HDAC8: variants seen among roughly 807,000 people sequenced by gnomAD.
HDAC8 encodes the protein histone deacetylase 8.
A neutral mutation model predicts 32.2 loss-of-function variants in HDAC8; 1 was observed. The ratio of observed to expected loss-of-function variants is 0.03; its 90% CI spans 0.01 to 0.15. The LOEUF (loss-of-function observed/expected upper bound fraction) is 0.15, where lower values mean the gene tolerates loss of function less well. HDAC8 is among the 10% of genes least tolerant of loss of function. The pLI is 1.00. For missense variants in HDAC8, 117 were observed against 300.0 expected (o/e 0.39, Z 4.51); for synonymous variants, 108 against 113.9 (o/e 0.95, Z 0.33).
chrX:72,426,207 G>A (rs892350435), intron 9 of HDAC8, among the ~76,000 whole-genome samples: 9 of 112,375 alleles, frequency 8.0e-5, no homozygotes, highest in African/African-American at 2.9e-4. Context: ...AAGTTGAGGT[G>A]AGGATACATT....
chrX:72,547,927 T>C (rs2050914026), intron 4 of HDAC8, among the ~76,000 whole-genome samples: 2 of 111,680 alleles, frequency 1.8e-5, no homozygotes, highest in Non-Finnish European at 1.9e-5. Flanking sequence ...CTCCCACATC[T>C]AGTTAATCAT....
chrX:72,501,476 C>T (rs782011080), intron 4 of HDAC8, among the ~76,000 whole-genome samples: 24 of 110,167 alleles, frequency 2.2e-4, no homozygotes, highest in African/African-American at 7.5e-4. Flanking sequence ...GCACACCTAT[C>T]ACCATCTGAT....
chrX:72,571,302 G>T (rs782160148), intron 2 of HDAC8, among the ~76,000 whole-genome samples: 81 of 111,041 alleles, frequency 7.3e-4, no homozygotes, highest in East Asian at 1.7e-3. Flanking sequence ...GTCTTAGGTT[G>T]AACTCACACC....
At chrX:72,412,313 T>C (rs1399567078) in intron 9 of HDAC8, among the ~76,000 whole-genome samples, 5 of 112,268 alleles carry the variant, frequency 4.5e-5, no homozygotes, top group Admixed American at 3.8e-4. Flanking sequence ...TTATTTCTTA[T>C]TACAAATGGT....
rs1049886319 is a variant in HDAC8 at position 72,560,581 on chromosome X, A to G, written c.437+7308T>C. ...AATAAATACTAAAAAAAAAAAAAAAAAAAAAAAAAGAAATGGTAACAATGG... is the reference window on the plus strand; with the variant it reads ...AATAAATACTAAAAAAAAAAAAAAAGAAAAAAAAAGAAATGGTAACAATGG... On this transcript the variant is annotated intron_variant, in intron 4 of 10. Coordinates refer to ENST00000373573, the MANE Select transcript of HDAC8 (RefSeq NM_018486.3). 3.7e-5 allele frequency among the ~76,000 whole-genome samples: 4 copies of G among 106,769 alleles called. No homozygotes were observed. In the South Asian group the frequency reaches 1.7e-3, roughly 46 times the overall value. The allele number at this position is 106,769 out of a possible 115,157, so 92.7% of individuals were successfully genotyped here. A position where few individuals can be genotyped will look rare whatever the true frequency, so the allele number is the denominator to read the frequency against.
intron 9 of HDAC8, among the ~76,000 whole-genome samples, chrX:72,398,874 C>G (rs1334820466): frequency 9.3e-6 from 1 of 107,513 alleles, no homozygotes; most frequent in Non-Finnish European, 1.9e-5. Context: ...TATCCCCTAT[C>G]CCAAGACTAG....
intron 9 of HDAC8, among the ~76,000 whole-genome samples, chrX:72,362,819 G>A (rs2044593916): frequency 8.9e-6 from 1 of 112,023 alleles, no homozygotes; most frequent in Non-Finnish European, 1.9e-5. Flanking sequence ...AGCTTACCCT[G>A]TATCCCAAAA....
At chrX:72,356,076 C>T (rs1010255245) in intron 9 of HDAC8, among the ~76,000 whole-genome samples, 1 of 112,270 alleles carries the variant, frequency 8.9e-6, no homozygotes, top group Non-Finnish European at 1.9e-5. Context: ...CCAACCCATG[C>T]AGTAGGTACT....
intron 4 of HDAC8, among the ~76,000 whole-genome samples, chrX:72,559,887 G>A (rs1410240141): frequency 3.7e-5 from 4 of 109,509 alleles, no homozygotes; most frequent in African/African-American, 6.7e-5. Context: ...CACCCCGTCC[G>A]GGAGGGAGGT....
At chrX:72,333,441 C>A (rs948044345) in intron 10 of HDAC8, among the ~76,000 whole-genome samples, 1 of 112,034 alleles carries the variant, frequency 8.9e-6, no homozygotes, top group Non-Finnish European at 1.9e-5. Flanking sequence ...GTAATCCCAG[C>A]GCTCTGGGAG....
rs2051896835 is a variant in HDAC8, at chrX:72,568,740, G to A, written c.295+14C>T. ...GTCTGTCCATCTCCCATCACTGCCT[G>A]GTAATGACTTTACCTAGCCCATATT... On this transcript the variant is annotated intron_variant, in intron 3 of 10. Coordinates refer to ENST00000373573, the MANE Select transcript of HDAC8 (RefSeq NM_018486.3). 1.7e-6 allele frequency: 2 copies of A among 1,208,711 alleles called. No homozygotes were observed. The highest frequency in any genetic ancestry group is 2.2e-6 in the Non-Finnish European group (2 of 893,688).
At chrX:72,359,070 C>CT (rs1381900000) in intron 9 of HDAC8, among the ~76,000 whole-genome samples, 2 of 101,301 alleles carry the variant, frequency 2.0e-5, no homozygotes, top group African/African-American at 3.7e-5. Context: ...TTTTTTTTTT[C>CT]TTTTTTTTCA....
chrX:72,376,037 T>C (rs1555957950), intron 9 of HDAC8, among the ~76,000 whole-genome samples: 1 of 111,996 alleles, frequency 8.9e-6, no homozygotes, highest in Non-Finnish European at 1.9e-5. Flanking sequence ...ATCTAGGTTA[T>C]AAAATTTGTT....
At chrX:72,389,571 A>G (rs1272164977) in intron 9 of HDAC8, among the ~76,000 whole-genome samples, 1 of 112,028 alleles carries the variant, frequency 8.9e-6, no homozygotes, top group Non-Finnish European at 1.9e-5. Flanking sequence ...GAGGATCGCC[A>G]TTTTAGGGAT....
At chrX:72,415,456 T>C (rs1171857060) in intron 9 of HDAC8, among the ~76,000 whole-genome samples, 1 of 112,301 alleles carries the variant, frequency 8.9e-6, no homozygotes, top group Non-Finnish European at 1.9e-5. Context: ...ATCTTGTCTA[T>C]ATCTTCAAAA....
chrX:72,336,971 A>G (rs921731657), intron 10 of HDAC8, among the ~76,000 whole-genome samples: 1 of 110,895 alleles, frequency 9.0e-6, no homozygotes, highest in Admixed American at 9.7e-5. Flanking sequence ...GCTGTTCTCA[A>G]ACTCCTGGAC....
At chrX:72,346,555 C>G (rs782057692) in intron 10 of HDAC8, among the ~76,000 whole-genome samples, 2 of 112,056 alleles carry the variant, frequency 1.8e-5, no homozygotes, top group East Asian at 2.8e-4. Flanking sequence ...GCTGCTTATA[C>G]GCAGCACAAT....
At chrX:72,444,580 T>G (rs2047309008) in intron 9 of HDAC8, among the ~76,000 whole-genome samples, 4 of 100,570 alleles carry the variant, frequency 4.0e-5, no homozygotes, top group Admixed American at 1.1e-4. Flanking sequence ...GCCAATATCA[T>G]ACTGAATGGG....
chrX:72,364,444 C>T (rs891578881), intron 9 of HDAC8, among the ~76,000 whole-genome samples: 7 of 112,001 alleles, frequency 6.2e-5, no homozygotes, highest in Non-Finnish European at 1.1e-4. Context: ...CATTTATAAT[C>T]ATCTGCTGGA....
Sources: allele counts gnomAD v4.1 joint callset (sites outside exome capture counted in the v4.1 genomes callset), GRCh38; gene constraint gnomAD v4.1.1; transcripts MANE v1.5; gene names NCBI Gene and HGNC (gene_info 2026-07-23, HGNC 2026-07-21).